RAB43: variants seen among roughly 807,000 people sequenced by gnomAD.
The protein encoded by RAB43 is ras-related protein Rab-43.
RAB43 carries 6 observed loss-of-function variants against 18.8 expected under a neutral mutation model. That is an observed-to-expected ratio of 0.32 (90% CI 0.17 to 0.63). RAB43 has a LOEUF of 0.63. RAB43 is among the 30% of genes least tolerant of loss of function. The probability of loss-of-function intolerance (pLI) is 0.79; values close to 1 mark genes in which losing one functional copy is unlikely to be tolerated. For missense variants in RAB43, 195 were observed against 289.1 expected (o/e 0.67, Z 2.36); for synonymous variants, 103 against 124.1 (o/e 0.83, Z 1.13).
intron 1 of RAB43, among the ~76,000 whole-genome samples, chr3:129,104,783 C>T (rs1043182955): frequency 1.3e-5 from 2 of 152,266 alleles, no homozygotes; most frequent in Non-Finnish European, 2.9e-5. Flanking sequence ...AGTCTCCACA[C>T]TCATGACAAG....
At chr3:129,111,071 G>A (rs1005450840) in intron 1 of RAB43, among the ~76,000 whole-genome samples, 3 of 151,982 alleles carry the variant, frequency 2.0e-5, no homozygotes, top group East Asian at 1.9e-4. Context: ...ATCACCATGC[G>A]CCTTCCCAAG....
At chr3:129,117,990 G>A (rs1358690686) in intron 1 of RAB43, among the ~76,000 whole-genome samples, 2 of 152,216 alleles carry the variant, frequency 1.3e-5, no homozygotes, top group Non-Finnish European at 1.5e-5. Context: ...GCTGTGGTAA[G>A]TGTTATGACC....
At chr3:129,102,005 G>A (rs746918331) in intron 1 of RAB43, among the ~76,000 whole-genome samples, 4 of 152,280 alleles carry the variant, frequency 2.6e-5, no homozygotes, top group East Asian at 3.9e-4. Flanking sequence ...GAGGCCTGCC[G>A]GAAAGCACTG....
intron 2 of RAB43, chr3:129,092,615 T>C (rs1445727297): frequency 1.7e-6 from 1 of 592,706 alleles, no homozygotes; most frequent in Non-Finnish European, 3.0e-6. Context: ...TGTATGTATA[T>C]AAGTATGCAT....
chr3:129,119,295 T>G (rs1246698996), intron 1 of RAB43, among the ~76,000 whole-genome samples: 1 of 152,198 alleles, frequency 6.6e-6, no homozygotes, highest in African/African-American at 2.4e-5. Context: ...CAGCTTTAAT[T>G]TGGAGCCTCT....
intron 1 of RAB43, among the ~76,000 whole-genome samples, chr3:129,101,800 G>A (rs1934431225): frequency 6.6e-6 from 1 of 152,188 alleles, no homozygotes; most frequent in South Asian, 2.1e-4. Flanking sequence ...CATTTTTCTT[G>A]CAACGTAAAG....
chr3:129,118,875 G>A (rs916509359), intron 1 of RAB43, among the ~76,000 whole-genome samples: 16 of 152,060 alleles, frequency 1.1e-4, no homozygotes, highest in Non-Finnish European at 1.8e-4. Context: ...GCTTTCCACA[G>A]AAAAAACAAC....
At chr3:129,115,834 A>C (rs1198516521) in intron 1 of RAB43, among the ~76,000 whole-genome samples, 3 of 152,154 alleles carry the variant, frequency 2.0e-5, no homozygotes, top group Non-Finnish European at 4.4e-5. Flanking sequence ...AAAACAAATA[A>C]AAATATTAAA....
intron 1 of RAB43, among the ~76,000 whole-genome samples, chr3:129,117,315 C>A (rs1196081812): frequency 6.6e-6 from 1 of 152,088 alleles, no homozygotes; most frequent in African/African-American, 2.4e-5. Flanking sequence ...ATGAGGAAGC[C>A]TGAGGCTCCA....
chr3:129,104,384 C>T (rs772290892), intron 1 of RAB43, among the ~76,000 whole-genome samples: 14 of 152,296 alleles, frequency 9.2e-5, no homozygotes, highest in Middle Eastern at 3.4e-3. Flanking sequence ...CCTAGCATAT[C>T]ACCAGCTATT....
intron 1 of RAB43, among the ~76,000 whole-genome samples, chr3:129,102,874 C>G (rs1301057826): frequency 1.3e-5 from 2 of 152,248 alleles, no homozygotes; most frequent in Admixed American, 6.5e-5. Context: ...TCTGATCTGT[C>G]ACTTTAACTA....
At chr3:129,092,651 C>A in intron 2 of RAB43, 1 of 532,172 alleles carries the variant, frequency 1.9e-6, no homozygotes. Context: ...ATACTATTTT[C>A]ATAGCTGTAT....
intron 1 of RAB43, among the ~76,000 whole-genome samples, chr3:129,120,374 T>C (rs531795581): frequency 6.6e-6 from 1 of 152,314 alleles, no homozygotes; most frequent in Admixed American, 6.5e-5. Flanking sequence ...GTCCCAGCCC[T>C]GTGCCCTGAG....
intron 1 of RAB43, among the ~76,000 whole-genome samples, chr3:129,100,005 G>A (rs999288711): frequency 2.6e-5 from 4 of 151,964 alleles, no homozygotes; most frequent in East Asian, 1.9e-4. Flanking sequence ...AAACATACCT[G>A]GCTTAAAGAT....
intron 1 of RAB43, among the ~76,000 whole-genome samples, chr3:129,117,669 G>T (rs1935637648): frequency 6.6e-6 from 1 of 152,162 alleles, no homozygotes; most frequent in South Asian, 2.1e-4. Flanking sequence ...TCTTCTCTCA[G>T]TGAATGCAAT....
At chr3:129,105,125 GAT>G (rs960716672) in intron 1 of RAB43, among the ~76,000 whole-genome samples, 7 of 152,198 alleles carry the variant, frequency 4.6e-5, no homozygotes, top group African/African-American at 1.7e-4. Context: ...ATCAGAAAAG[GAT>G]ATGCTATCTA....
At chr3:129,091,467 G>A (rs1206746561) in intron 2 of RAB43, 121 bp from the exon 3 acceptor site, 14 of 1,280,418 alleles carry the variant, frequency 1.1e-5, no homozygotes, top group Non-Finnish European at 1.4e-5. Context: ...GGACACCCCT[G>A]GCATGGTCAT....
Position 129,095,443 on chromosome 3 carries a change from C to T in RAB43, c.205-274G>A, listed in dbSNP as rs1559995359. Among the ~76,000 whole-genome samples, 2 of 152,190 alleles carry T rather than the reference C, an allele frequency of 1.3e-5. No homozygotes were observed. The highest frequency in any genetic ancestry group is 2.9e-5 in the Non-Finnish European group (2 of 68,026). On this transcript the variant is annotated intron_variant, in intron 1 of 2. Transcript: ENST00000315150. The surrounding 1 kb of genome is among the most constrained non-coding windows in gnomAD (Gnocchi z 4.2). ...GACCCAGGTCCTCCGCGTGCCCCTCCGTGTGCCCCTCTCCCCTCAGGACTG... is the reference window on the plus strand; with the variant it reads ...GACCCAGGTCCTCCGCGTGCCCCTCTGTGTGCCCCTCTCCCCTCAGGACTG...
At chr3:129,121,079 C>G (rs913616045) in intron 1 of RAB43, among the ~76,000 whole-genome samples, 22 of 148,796 alleles carry the variant, frequency 1.5e-4, no homozygotes, top group African/African-American at 2.2e-4. Flanking sequence ...CCCCCCCCCC[C>G]CCCAGCAACC....
Sources: allele counts gnomAD v4.1 joint callset (sites outside exome capture counted in the v4.1 genomes callset), GRCh38; gene constraint gnomAD v4.1.1; non-coding constraint Gnocchi (gnomAD v3.1); transcripts MANE v1.5; gene names NCBI Gene and HGNC (gene_info 2026-07-23, HGNC 2026-07-21).